The following RIMBP2 variants were observed in gnomAD, a reference collection of about 807,000 sequenced individuals.
The protein encoded by RIMBP2 is RIMS-binding protein 2.
Under a neutral mutation model 118.6 loss-of-function variants are expected in RIMBP2, and 48 were observed. That is an observed-to-expected ratio of 0.40 (90% CI 0.32 to 0.51). The LOEUF is 0.51. RIMBP2 is among the 20% of genes least tolerant of loss of function. The pLI, the probability that RIMBP2 is intolerant of heterozygous loss-of-function variation, is 0.41. For missense variants in RIMBP2, 1,551 were observed against 1,768.3 expected (o/e 0.88, Z 2.20); for synonymous variants, 762 against 742.9 (o/e 1.03, Z -0.42).
In RIMBP2 at chr12:130,437,223, C is replaced by A; in HGVS notation, c.1725G>T (p.Glu575Asp). ...GGGTCCGCACGGTCACGCCCTTGGC[C>A]TCCAGGCTCCGCAGCCGCACAAGCT... ...AVELVRLRSL[E>D]AKGVTVRTLS... Residue 575 changes from glutamate (E) to aspartate (D), a missense_variant, in exon 13 of 23, where the codon GAG becomes GAT. This residue lies in a region of RIMBP2 where 1,038 missense variants were observed against 1,125.1 expected (regional missense o/e 0.92). Coordinates refer to ENST00000690449, the MANE Select transcript of RIMBP2 (RefSeq NM_001393629.1). 6.3e-7 allele frequency: 1 copy of A among 1,584,876 alleles called. No individual in the cohort carries two copies. The highest frequency in any genetic ancestry group is 8.5e-7 in the Non-Finnish European group (1 of 1,170,528).
At chr12:130,652,734 G>T (rs1214825912) in intron 1 of RIMBP2, among the ~76,000 whole-genome samples, 1 of 152,182 alleles carries the variant, frequency 6.6e-6, no homozygotes, top group Non-Finnish European at 1.5e-5. Flanking sequence ...GTTCTGCAGG[G>T]TGTACAGGCA....
At chr12:130,460,211 G>C (rs2079852631) in intron 6 of RIMBP2, among the ~76,000 whole-genome samples, 1 of 152,252 alleles carries the variant, frequency 6.6e-6, no homozygotes, top group South Asian at 2.1e-4. Flanking sequence ...TCTCCCACGG[G>C]GAACCCTCAG....
intron 1 of RIMBP2, among the ~76,000 whole-genome samples, chr12:130,647,292 G>C (rs1444255097): frequency 6.6e-6 from 1 of 152,130 alleles, no homozygotes; most frequent in Admixed American, 6.5e-5. Flanking sequence ...GAACCCGGGG[G>C]GTGGAGGTTG....
rs952922777 is a variant in RIMBP2 at position 130,595,552 on chromosome 12, A to AAAT, written c.-217+32767_-217+32769dup. ...GCGACAGCGCAAGACTCCGTCTCAAAAATAATAATAATAATAATAAAATAA... is the reference window on the plus strand; with the variant it reads ...GCGACAGCGCAAGACTCCGTCTCAAAAATAATAATAATAATAATAATAAAATAA... On this transcript the variant is annotated intron_variant, in intron 2 of 22. Transcript: ENST00000690449. 3.4e-3 allele frequency among the ~76,000 whole-genome samples: 514 copies of AAAT among 151,744 alleles called. 3 individuals are homozygous for AAAT. Among genetic ancestry groups the AAAT allele is most frequent in the African/African-American group, 6.2e-3 (258 of 41,486 alleles).
intron 1 of RIMBP2, among the ~76,000 whole-genome samples, chr12:130,649,439 G>A (rs568232586): frequency 6.6e-6 from 1 of 152,274 alleles, no homozygotes; most frequent in South Asian, 2.1e-4. Flanking sequence ...GCCTTCCCCC[G>A]ACTCAGGGCT....
intron 1 of RIMBP2, among the ~76,000 whole-genome samples, chr12:130,641,179 C>A (rs2062601945): frequency 1.3e-5 from 2 of 152,190 alleles, no homozygotes; most frequent in Admixed American, 6.5e-5. Context: ...ACAGAAGGGT[C>A]AGATGGTCCC....
chr12:130,645,876 T>A (rs1365190521), intron 1 of RIMBP2, among the ~76,000 whole-genome samples: 1 of 152,182 alleles, frequency 6.6e-6, no homozygotes, highest in Admixed American at 6.5e-5. Context: ...TACAGTTTAG[T>A]CTTCCTTGCC....
chr12:130,414,041 G>A (rs1034443842), intron 18 of RIMBP2, 84 bp downstream of exon 18: 26 of 1,412,274 alleles, frequency 1.8e-5, no homozygotes, highest in Non-Finnish European at 2.3e-5. Flanking sequence ...TCTCTAAGTC[G>A]ATACCCTGTT....
intron 1 of RIMBP2, among the ~76,000 whole-genome samples, chr12:130,644,378 C>T (rs1419627559): frequency 6.6e-6 from 1 of 152,268 alleles, no homozygotes; most frequent in South Asian, 2.1e-4. Flanking sequence ...GTTAAGAGCA[C>T]CGTAAGATCC....
At chr12:130,563,354 G>A (rs2056964079) in intron 2 of RIMBP2, among the ~76,000 whole-genome samples, 1 of 152,264 alleles carries the variant, frequency 6.6e-6, no homozygotes, top group South Asian at 2.1e-4. Context: ...ACCTGAGCAT[G>A]AGAAGGCTAA....
intron 2 of RIMBP2, among the ~76,000 whole-genome samples, chr12:130,520,912 T>G (rs2052034998): frequency 6.6e-6 from 1 of 152,170 alleles, no homozygotes; most frequent in Admixed American, 6.5e-5. Flanking sequence ...ATTATGAGCA[T>G]CCCACGTTGT....
chr12:130,506,393 C>G (rs1228029700), intron 4 of RIMBP2, among the ~76,000 whole-genome samples: 1 of 152,192 alleles, frequency 6.6e-6, no homozygotes, highest in Non-Finnish European at 1.5e-5. Flanking sequence ...CTGCACAGCT[C>G]AGCTGTGTTT....
chr12:130,555,968 C>A (rs560174097), intron 2 of RIMBP2, among the ~76,000 whole-genome samples: 2 of 152,298 alleles, frequency 1.3e-5, no homozygotes, highest in Non-Finnish European at 2.9e-5. Context: ...CAGCACCCGA[C>A]AGGAACATCA....
chr12:130,470,781 C>T, intron 5 of RIMBP2, 38 bp from the exon 6 acceptor site: 1 of 1,180,126 alleles, frequency 8.5e-7, no homozygotes, highest in East Asian at 3.2e-5. Context: ...AGTAAATGTC[C>T]AAAGGGGAAA....
At chr12:130,656,224 G>A (rs11610246) in intron 1 of RIMBP2, among the ~76,000 whole-genome samples, 26,960 of 152,086 alleles carry the variant, frequency 0.18, 2,709 homozygotes, top group East Asian at 0.26. Flanking sequence ...TGGGGGACCC[G>A]GCAAGAATCA....
chr12:130,442,594 T>C lies in RIMBP2; in HGVS notation c.758A>G (p.Glu253Gly). Residue 253 changes from glutamate (E) to glycine (G), a missense_variant, in exon 11 of 23, where the codon GAG becomes GGG. Coordinates refer to ENST00000690449, the MANE Select transcript of RIMBP2 (RefSeq NM_001393629.1). The surrounding 1 kb of genome is among the most constrained non-coding windows in gnomAD (Gnocchi z 6.9). ...SNFVDFVQDN[E>G]SRLASTLGNE... The stretch of plus-strand genomic sequence containing the variant: ...CCCCAGCGTGCTTGCCAACCGCGAC[T>C]CGTTGTCCTGCACAAAGTCCACGAA... 1 of 1,614,220 alleles carries C rather than the reference T, an allele frequency of 6.2e-7. No homozygotes were observed. Among genetic ancestry groups the C allele is most frequent in the South Asian group, 1.1e-5 (1 of 91,084 alleles).
At chr12:130,488,957 T>A (rs2082704005) in intron 4 of RIMBP2, among the ~76,000 whole-genome samples, 1 of 152,160 alleles carries the variant, frequency 6.6e-6, no homozygotes, top group East Asian at 1.9e-4. Flanking sequence ...CACTGGTGGA[T>A]GGGCTCTTGG....
chr12:130,411,745 A>G (rs1472744537), intron 19 of RIMBP2, among the ~76,000 whole-genome samples: 1 of 152,172 alleles, frequency 6.6e-6, no homozygotes, highest in Non-Finnish European at 1.5e-5. Context: ...CATGGATTTA[A>G]TGTGGGCGAT....
intron 15 of RIMBP2, chr12:130,425,188 G>A (rs545947238): frequency 2.0e-4 from 46 of 227,740 alleles, no homozygotes; most frequent in African/African-American, 1.0e-3. Context: ...CGGTACCGCT[G>A]CTGTAGATGG....
Sources: gnomAD v4.1 joint callset for allele counts (sites outside exome capture counted in the v4.1 genomes callset) on GRCh38, gnomAD v4.1.1 for gene constraint, gnomAD v4.1.1 regional missense constraint, Gnocchi (gnomAD v3.1) non-coding constraint, MANE v1.5 for transcripts, NCBI Gene and HGNC (gene_info 2026-07-23, HGNC 2026-07-21) for gene names.